Variants in TNNI3K observed in about 807,000 individuals in gnomAD.
TNNI3K encodes serine/threonine-protein kinase TNNI3K.
TNNI3K carries 140 observed loss-of-function variants against 114.5 expected under a neutral mutation model. The observed-to-expected ratio is 1.22, with a 90% CI of 1.07 to 1.41. The LOEUF (loss-of-function observed/expected upper bound fraction) is 1.41, where lower values mean the gene tolerates loss of function less well. TNNI3K is among the 40% of genes most tolerant of loss of function. The pLI, the probability that TNNI3K is intolerant of heterozygous loss-of-function variation, is 0.00. For missense variants in TNNI3K, 1,125 were observed against 1,007.6 expected (o/e 1.12, Z -1.58); for synonymous variants, 347 against 347.5 (o/e 1.00, Z 0.02).
At chr1:74,357,312 A>G (rs1661718091) in intron 11 of TNNI3K, among the ~76,000 whole-genome samples, 1 of 152,164 alleles carries the variant, frequency 6.6e-6, no homozygotes, top group Non-Finnish European at 1.5e-5. Flanking sequence ...AAGGGTGTCT[A>G]TTTGAATAGG....
intron 5 of TNNI3K, among the ~76,000 whole-genome samples, chr1:74,288,597 G>C (rs1657471965): frequency 1.3e-5 from 2 of 152,152 alleles, no homozygotes; most frequent in East Asian, 3.9e-4. Flanking sequence ...GAGTAGAATG[G>C]TGGTTGCCGG....
intron 5 of TNNI3K, among the ~76,000 whole-genome samples, chr1:74,281,371 A>G (rs953475972): frequency 7.7e-6 from 1 of 130,386 alleles, no homozygotes; most frequent in East Asian, 2.1e-4. Context: ...TAATGTCAAT[A>G]TATGTCAAAT....
At chr1:74,347,941 A>G (rs943297349) in intron 9 of TNNI3K, among the ~76,000 whole-genome samples, 61 of 152,118 alleles carry the variant, frequency 4.0e-4, no homozygotes, top group African/African-American at 1.3e-3. Flanking sequence ...CTCCCATTCT[A>G]TAGGTTGCCT....
chr1:74,465,870 A>G (rs1387744456), intron 21 of TNNI3K, among the ~76,000 whole-genome samples: 3 of 152,192 alleles, frequency 2.0e-5, no homozygotes, highest in Non-Finnish European at 4.4e-5. Flanking sequence ...AAATGGACCA[A>G]TCAGCAGGAT....
chr1:74,514,793 A>G (rs891972593), intron 23 of TNNI3K, among the ~76,000 whole-genome samples: 13 of 152,108 alleles, frequency 8.5e-5, no homozygotes, highest in African/African-American at 2.7e-4. Context: ...GTTGAATTGT[A>G]TCCCCCAAAA....
At chr1:74,255,394 TA>T (rs1655220760) in intron 4 of TNNI3K, among the ~76,000 whole-genome samples, 1 of 151,424 alleles carries the variant, frequency 6.6e-6, no homozygotes, top group Admixed American at 6.6e-5. Flanking sequence ...TCTGAGAATG[TA>T]ACCCCGTAAG....
At chr1:74,394,642 C>T (rs2100576400) in intron 17 of TNNI3K, among the ~76,000 whole-genome samples, 1 of 152,324 alleles carries the variant, frequency 6.6e-6, no homozygotes, top group Non-Finnish European at 1.5e-5. Flanking sequence ...CTGTTCTATT[C>T]AGCCTGCCCA....
At position 74,492,185 on chromosome 1, in the gene TNNI3K, G is replaced by A. The variant is rs200277602; in HGVS notation, c.2270G>A (p.Arg757Gln). The A allele has an allele frequency of 1.4e-5, 23 of 1,612,718 alleles. No individual in the cohort carries two copies. The highest frequency in any genetic ancestry group is 1.6e-4 in the Middle Eastern group (1 of 6,080). The change falls in exon 23 of 25, where the codon CGG (arginine) becomes CAG (glutamine). Residue 757 changes from arginine (R) to glutamine (Q), a missense_variant. Coordinates refer to ENST00000326637, the MANE Select transcript of TNNI3K (RefSeq NM_015978.3). ...CTGGTGAACCGGGGAGGACCTGGCCGGAGTCATGTGGCAGCATTAAGAAGT... is the reference window on the plus strand; with the variant it reads ...CTGGTGAACCGGGGAGGACCTGGCCAGAGTCATGTGGCAGCATTAAGAAGT... ...DCLVNRGGPG[R>Q]SHVAALRSRF...
At chr1:74,442,806 A>G (rs920732667) in intron 20 of TNNI3K, among the ~76,000 whole-genome samples, 2 of 152,114 alleles carry the variant, frequency 1.3e-5, no homozygotes, top group Admixed American at 6.6e-5. Flanking sequence ...AAATCATAAC[A>G]AACAGTCTCT....
chr1:74,464,914 T>G (rs1321396265), intron 21 of TNNI3K: 15 of 1,284,042 alleles, frequency 1.2e-5, no homozygotes, highest in Middle Eastern at 2.8e-4. Flanking sequence ...AGTAAATGAA[T>G]GAATACCAGT....
At chr1:74,324,344 A>G (rs1047237628) in intron 5 of TNNI3K, among the ~76,000 whole-genome samples, 1 of 152,238 alleles carries the variant, frequency 6.6e-6, no homozygotes, top group African/African-American at 2.4e-5. Context: ...AGAGGAGGCA[A>G]CTCAACAAAG....
rs1216715099 is a variant in TNNI3K, at chr1:74,270,607, C to A, written c.334-991C>A. 4.0e-5 allele frequency among the ~76,000 whole-genome samples: 6 copies of A among 151,676 alleles called. No individual in the cohort carries two copies. The East Asian group carries it at 1.2e-3, about 29-fold the overall frequency. ...GTAGGCCTTTATGCAGGTGTGACAGCATTAAGAAATCAAACTTTGCCTTTT... is the reference window on the plus strand; with the variant it reads ...GTAGGCCTTTATGCAGGTGTGACAGAATTAAGAAATCAAACTTTGCCTTTT... On this transcript the variant is annotated intron_variant, in intron 4 of 24. Coordinates refer to ENST00000326637, the MANE Select transcript of TNNI3K (RefSeq NM_015978.3).
chr1:74,357,306 G>T lies in TNNI3K; in HGVS notation c.1177+3177G>T, dbSNP rs138356233. Among the ~76,000 whole-genome samples the T allele has an allele frequency of 5.9e-4, 90 of 152,264 alleles. 1 individual carries two copies. The highest frequency in any genetic ancestry group is 2.1e-3 in the African/African-American group (89 of 41,560). ...CAAGAAGGGAGCTTCACAATCAAGG[G>T]TGTCTATTTGAATAGGTCTACTTTT... On this transcript the variant is annotated intron_variant, in intron 11 of 24. Transcript: ENST00000326637.
chr1:74,407,220 A>G (rs555453893), intron 17 of TNNI3K, among the ~76,000 whole-genome samples: 3 of 152,326 alleles, frequency 2.0e-5, no homozygotes, highest in South Asian at 4.1e-4. Flanking sequence ...TGGTTAATAT[A>G]TACTAGGAAG....
chr1:74,391,954 A>ATT (rs1557539031), intron 17 of TNNI3K, among the ~76,000 whole-genome samples: 10 of 93,244 alleles, frequency 1.1e-4, no homozygotes, highest in African/African-American at 4.6e-4. Context: ...GGTACAGCTT[A>ATT]TTATTTTTTT....
chr1:74,349,606 T>A (rs967605912), intron 9 of TNNI3K, among the ~76,000 whole-genome samples: 4 of 152,152 alleles, frequency 2.6e-5, no homozygotes, highest in Non-Finnish European at 4.4e-5. Context: ...GGTCCTGGAC[T>A]TTTTTTGGTT....
At chr1:74,447,247 G>C (rs953282814) in intron 20 of TNNI3K, among the ~76,000 whole-genome samples, 1 of 149,138 alleles carries the variant, frequency 6.7e-6, no homozygotes, top group Non-Finnish European at 1.5e-5. Context: ...TCCTTGAAGA[G>C]GTCCTTCACA....
At chr1:74,253,548 G>A (rs1030614950) in intron 4 of TNNI3K, among the ~76,000 whole-genome samples, 1 of 152,160 alleles carries the variant, frequency 6.6e-6, no homozygotes, top group Non-Finnish European at 1.5e-5. Context: ...CGGCACTGCT[G>A]GGGGACCCGG....
At chr1:74,275,466 C>T (rs45438094) in intron 5 of TNNI3K, among the ~76,000 whole-genome samples, 7,076 of 152,070 alleles carry the variant, frequency 0.047, 203 homozygotes, top group Non-Finnish European at 0.054. Context: ...GAGTACAATT[C>T]AAGATGATAT....
Sources: allele counts gnomAD v4.1 joint callset (sites outside exome capture counted in the v4.1 genomes callset), GRCh38; gene constraint gnomAD v4.1.1; transcripts MANE v1.5; gene names NCBI Gene and HGNC (gene_info 2026-07-23, HGNC 2026-07-21).